Variants in POU6F2 observed in about 807,000 individuals in gnomAD.
POU6F2 encodes POU domain, class 6, transcription factor 2.
In POU6F2, 31 loss-of-function variants were observed where a neutral mutation model predicts 71.3. That is an observed-to-expected ratio of 0.43 (90% CI 0.33 to 0.59). POU6F2 has a LOEUF of 0.59. Ranked by LOEUF, POU6F2 falls within the 20% of genes least tolerant of loss-of-function variation. The pLI is 0.04. For synonymous variants in POU6F2, 347 were observed against 355.7 expected, an observed-to-expected ratio of 0.98 and a Z score of 0.27; for missense variants, 783 against 856.8, an observed-to-expected ratio of 0.91 and a Z score of 1.07.
intron 4 of POU6F2, among the ~76,000 whole-genome samples, chr7:39,302,016 C>A (rs1392013676): frequency 6.6e-6 from 1 of 152,070 alleles, no homozygotes; most frequent in African/African-American, 2.4e-5. Context: ...GTGCCATTGC[C>A]CCCTTTAAGC....
intron 1 of POU6F2, among the ~76,000 whole-genome samples, chr7:39,025,936 A>G (rs1444619861): frequency 6.6e-6 from 1 of 152,328 alleles, no homozygotes; most frequent in Non-Finnish European, 1.5e-5. Context: ...AACAGTGGCC[A>G]AAGGATATGA....
chr7:39,269,410 G>A (rs1287717606), intron 4 of POU6F2, among the ~76,000 whole-genome samples: 1 of 152,196 alleles, frequency 6.6e-6, no homozygotes, highest in Non-Finnish European at 1.5e-5. Context: ...AATGCTGCCT[G>A]GGACCCTCCC....
At chr7:39,110,400 C>T (rs1791784270) in intron 2 of POU6F2, among the ~76,000 whole-genome samples, 1 of 151,958 alleles carries the variant, frequency 6.6e-6, no homozygotes, top group Admixed American at 6.6e-5. Flanking sequence ...TTTCTATCCT[C>T]TTGAGGTTAC....
intron 4 of POU6F2, among the ~76,000 whole-genome samples, chr7:39,287,132 C>T (rs1246270031): frequency 4.6e-5 from 7 of 152,162 alleles, no homozygotes; most frequent in Non-Finnish European, 1.0e-4. Context: ...CACTTTTTAC[C>T]GACACAGCAT....
At chr7:39,063,620 GT>G (rs1228334207) in intron 1 of POU6F2, among the ~76,000 whole-genome samples, 1 of 152,130 alleles carries the variant, frequency 6.6e-6, no homozygotes, top group Non-Finnish European at 1.5e-5. Context: ...TTAAAGCAAT[GT>G]TAAATGGAGG....
intron 2 of POU6F2, among the ~76,000 whole-genome samples, chr7:39,158,946 C>T (rs1487516211): frequency 1.3e-5 from 2 of 151,868 alleles, no homozygotes; most frequent in African/African-American, 4.8e-5. Context: ...CCAAGGCAGG[C>T]GGATCACTTG....
intron 2 of POU6F2, among the ~76,000 whole-genome samples, chr7:39,091,794 G>T (rs117197093): frequency 6.6e-6 from 1 of 152,132 alleles, no homozygotes; most frequent in African/African-American, 2.4e-5. Context: ...GACCAAATAC[G>T]TTTTTCTCCC....
At chr7:39,309,009 T>C (rs907384065) in intron 4 of POU6F2, among the ~76,000 whole-genome samples, 4 of 152,098 alleles carry the variant, frequency 2.6e-5, no homozygotes, top group Admixed American at 1.3e-4. Context: ...CTTTATGAGG[T>C]TTTCTACACA....
At chr7:39,029,188 C>T (rs925741254) in intron 1 of POU6F2, among the ~76,000 whole-genome samples, 4 of 152,062 alleles carry the variant, frequency 2.6e-5, no homozygotes, top group Non-Finnish European at 1.5e-5. Context: ...TTAAAATTAT[C>T]ATTGCTAGTA....
chr7:39,258,171 T>C (rs770349824), intron 4 of POU6F2, among the ~76,000 whole-genome samples: 1 of 152,212 alleles, frequency 6.6e-6, no homozygotes, highest in African/African-American at 2.4e-5. Context: ...GTAGATGACT[T>C]GGTTATGACT....
intron 2 of POU6F2, among the ~76,000 whole-genome samples, chr7:39,094,115 T>C (rs1394852838): frequency 6.6e-6 from 1 of 152,164 alleles, no homozygotes. Context: ...AAAGGGAAAC[T>C]AGTTATACTG....
chr7:39,066,149 G>A (rs955519143), intron 1 of POU6F2, among the ~76,000 whole-genome samples: 6 of 151,576 alleles, frequency 4.0e-5, no homozygotes, highest in Non-Finnish European at 7.4e-5. Context: ...AGGTTAACTC[G>A]AAAGAAAAAA....
chr7:39,215,680 G>C (rs1217758089), intron 4 of POU6F2, among the ~76,000 whole-genome samples: 1 of 152,212 alleles, frequency 6.6e-6, no homozygotes, highest in Non-Finnish European at 1.5e-5. Flanking sequence ...GAGTGAAGTA[G>C]ATGGAGGTGG....
chr7:39,061,043 A>G (rs1018579581), intron 1 of POU6F2, among the ~76,000 whole-genome samples: 1 of 152,168 alleles, frequency 6.6e-6, no homozygotes, highest in Non-Finnish European at 1.5e-5. Context: ...AATACAAAGA[A>G]ATCTTACCAG....
At chr7:39,169,414 A>G (rs1333870226) in intron 2 of POU6F2, among the ~76,000 whole-genome samples, 1 of 152,222 alleles carries the variant, frequency 6.6e-6, no homozygotes, top group Non-Finnish European at 1.5e-5. Context: ...ACACGCCCAT[A>G]AAGTGTCTGG....
At chr7:39,276,797 C>T (rs1784448577) in intron 4 of POU6F2, among the ~76,000 whole-genome samples, 2 of 150,670 alleles carry the variant, frequency 1.3e-5, no homozygotes, top group African/African-American at 4.9e-5. Context: ...TAAACTATCG[C>T]AAGGACAAAA....
At chr7:39,426,475 A>T (rs1452630606) in intron 6 of POU6F2, among the ~76,000 whole-genome samples, 2 of 152,120 alleles carry the variant, frequency 1.3e-5, no homozygotes, top group Non-Finnish European at 2.9e-5. Context: ...GAGCCCAGAG[A>T]AACACTCACA....
At chr7:39,309,432 T>C (rs1358957750) in intron 4 of POU6F2, among the ~76,000 whole-genome samples, 1 of 151,572 alleles carries the variant, frequency 6.6e-6, no homozygotes, top group Non-Finnish European at 1.5e-5. Context: ...AATGAAGGAG[T>C]AGAGATGGTG....
intron 7 of POU6F2, among the ~76,000 whole-genome samples, chr7:39,438,795 A>G (rs1297819551): frequency 6.6e-6 from 1 of 152,238 alleles, no homozygotes; most frequent in Non-Finnish European, 1.5e-5. Flanking sequence ...TTGATTTTAG[A>G]ATAAGTGCCA....
Sources: gnomAD v4.1 joint callset for allele counts (sites outside exome capture counted in the v4.1 genomes callset) on GRCh38, gnomAD v4.1.1 for gene constraint, MANE v1.5 for transcripts, NCBI Gene and HGNC (gene_info 2026-07-23, HGNC 2026-07-21) for gene names.